NBAS: variants seen among roughly 807,000 people sequenced by gnomAD.
NBAS encodes the protein NAG/BC035112 fusion.
A neutral mutation model predicts 302.5 loss-of-function variants in NBAS; 219 were observed. The observed-to-expected ratio is 0.72, with a 90% CI of 0.65 to 0.81. The LOEUF (loss-of-function observed/expected upper bound fraction) is 0.81. NBAS is among the 30% of genes least tolerant of loss of function. The probability of loss-of-function intolerance (pLI) is 0.00; values close to 1 mark genes in which losing one functional copy is unlikely to be tolerated. For synonymous variants in NBAS, 1,118 were observed against 1,021.6 expected, an observed-to-expected ratio of 1.09 and a Z score of -1.80; for missense variants, 2,932 against 2,841.6, an observed-to-expected ratio of 1.03 and a Z score of -0.72.
At chr2:15,500,372 T>C (rs927637603) in intron 11 of NBAS, among the ~76,000 whole-genome samples, 6 of 152,198 alleles carry the variant, frequency 3.9e-5, no homozygotes, top group African/African-American at 1.4e-4. Context: ...GAATATTATA[T>C]ATTCAATAAT....
Position 15,243,925 on chromosome 2 carries a change from G to C in NBAS, c.5725-5239C>G, listed in dbSNP as rs1667973204. On this transcript the variant is annotated intron_variant, in intron 44 of 51. Transcript: ENST00000281513. ...CAAATGCCAAGTAAAACCTTTAGAA[G>C]ATTAAAATGATTCAGGGAAGAGATA... Among the ~76,000 whole-genome samples, 3 of 152,156 alleles carry C rather than the reference G, an allele frequency of 2.0e-5. No individual in the cohort carries two copies. The South Asian group carries it at 6.2e-4, about 32-fold the overall frequency.
At chr2:15,467,300 T>G in intron 19 of NBAS, 29 bp downstream of exon 19, 4 of 1,471,986 alleles carry the variant, frequency 2.7e-6, no homozygotes, top group Non-Finnish European at 3.8e-6. Flanking sequence ...CAAATGAACA[T>G]AATTGGTTTG....
chr2:14,788,962 C>A, the NBAS span, among the ~76,000 whole-genome samples: 13 of 152,350 alleles, frequency 8.5e-5, no homozygotes, highest in Non-Finnish European at 1.0e-4. Flanking sequence ...AGGCAGGCGT[C>A]CTTGAGCTGT....
chr2:14,961,924 T>A, the NBAS span, among the ~76,000 whole-genome samples: 3 of 152,032 alleles, frequency 2.0e-5, no homozygotes, highest in Admixed American at 6.5e-5. Flanking sequence ...GGATTACAGG[T>A]GCCCGCCACC....
intron 44 of NBAS, among the ~76,000 whole-genome samples, chr2:15,240,558 A>G (rs971422433): frequency 1.3e-5 from 2 of 152,078 alleles, no homozygotes; most frequent in African/African-American, 2.4e-5. Context: ...CGGAGGCTGC[A>G]GTGAGCCGAG....
chr2:15,186,105 CACACAT>C (rs1430863044), intron 50 of NBAS, among the ~76,000 whole-genome samples: 12 of 149,848 alleles, frequency 8.0e-5, no homozygotes, highest in East Asian at 4.0e-4. Flanking sequence ...CACACACACA[CACACAT>C]ATGTGTATGT....
chr2:15,023,765 T>C, the NBAS span, among the ~76,000 whole-genome samples: 1 of 151,532 alleles, frequency 6.6e-6, no homozygotes, highest in Non-Finnish European at 1.5e-5. Context: ...TTCTTAATGG[T>C]TGTTTGCCTT....
the NBAS span, among the ~76,000 whole-genome samples, chr2:14,862,645 A>G: frequency 6.6e-6 from 1 of 152,236 alleles, no homozygotes; most frequent in Non-Finnish European, 1.5e-5. Flanking sequence ...TAAATAAGAT[A>G]GCACATGTAA....
chr2:14,846,524 AC>A, the NBAS span, among the ~76,000 whole-genome samples: 4 of 148,354 alleles, frequency 2.7e-5, no homozygotes, highest in Non-Finnish European at 5.9e-5. Context: ...TACACAAAAA[AC>A]TATATAATAT....
intron 21 of NBAS, among the ~76,000 whole-genome samples, chr2:15,443,379 T>C (rs1005541716): frequency 2.6e-5 from 4 of 151,918 alleles, no homozygotes; most frequent in Non-Finnish European, 5.9e-5. Context: ...ATCCAGCATA[T>C]AAACAGAACC....
At chr2:15,468,352 A>C in intron 17 of NBAS, 30 bp downstream of exon 17, 4 of 1,613,378 alleles carry the variant, frequency 2.5e-6, no homozygotes, top group Non-Finnish European at 3.4e-6. Flanking sequence ...AGTCACCTTT[A>C]CTTTGAATCC....
At chr2:15,226,833 T>C (rs1667169692) in intron 47 of NBAS, among the ~76,000 whole-genome samples, 1 of 152,204 alleles carries the variant, frequency 6.6e-6, no homozygotes, top group Non-Finnish European at 1.5e-5. Flanking sequence ...ATTTTCTACA[T>C]AGATGATCAT....
At position 15,186,751 on chromosome 2, in the gene NBAS, C is replaced by T; in HGVS notation, c.6702G>A (p.Leu2234=). Residue 2234 remains leucine, a synonymous_variant, in exon 50 of 52, where the codon CTG becomes CTA. Transcript: ENST00000281513. ...CAAAATATCCACTCACCTCTGCAGGCAGCATCTGCTTGGTGTTATACAAAG... is the reference window on the plus strand; with the variant it reads ...CAAAATATCCACTCACCTCTGCAGGTAGCATCTGCTTGGTGTTATACAAAG... ...CRSLYNTKQM[L]PAEGVKELCL... 6.2e-7 allele frequency: 1 copy of T among 1,613,854 alleles called. No individual in the cohort carries two copies. The highest frequency in any genetic ancestry group is 8.5e-7 in the Non-Finnish European group (1 of 1,179,932).
At chr2:15,350,979 G>A (rs538779377) in intron 35 of NBAS, among the ~76,000 whole-genome samples, 96 of 152,308 alleles carry the variant, frequency 6.3e-4, no homozygotes, top group Non-Finnish European at 1.2e-3. Context: ...CACATTTCCA[G>A]TGCTACATAT....
the NBAS span, among the ~76,000 whole-genome samples, chr2:15,048,357 C>T: frequency 6.6e-6 from 1 of 152,210 alleles, no homozygotes; most frequent in Non-Finnish European, 1.5e-5. Context: ...GGGAAACAGC[C>T]GCATCTTTTC....
chr2:15,320,076 T>C (rs188563839), intron 38 of NBAS, among the ~76,000 whole-genome samples: 4 of 152,290 alleles, frequency 2.6e-5, no homozygotes, highest in South Asian at 4.2e-4. Flanking sequence ...ATCCCTGGCA[T>C]GCAAGGCTGG....
chr2:15,478,118 C>A, intron 13 of NBAS, 108 bp downstream of exon 13: 1 of 788,870 alleles, frequency 1.3e-6, no homozygotes. Context: ...GATGTTTCTT[C>A]CAAAGTGCAG....
intron 9 of NBAS, among the ~76,000 whole-genome samples, chr2:15,513,771 T>C (rs1662255814): frequency 6.6e-6 from 1 of 151,824 alleles, no homozygotes; most frequent in Admixed American, 6.6e-5. Flanking sequence ...GGAGGATTGT[T>C]TGTGGCCAAG....
At position 15,330,634 on chromosome 2, in the gene NBAS, C is replaced by A. The variant is rs368116711; in HGVS notation, c.4311G>T (p.Trp1437Cys). The A allele has an allele frequency of 6.2e-7, 1 of 1,614,026 alleles. No homozygotes were observed. Among genetic ancestry groups the A allele is most frequent in the Admixed American group, 1.7e-5 (1 of 59,992 alleles). The change falls in exon 36 of 52, where the codon TGG (tryptophan) becomes TGT (cysteine). Residue 1437 changes from tryptophan (W) to cysteine (C), a missense_variant. Physicochemically the swap from Trp to Cys is radical, Grantham distance 215. Coordinates refer to ENST00000281513, the MANE Select transcript of NBAS (RefSeq NM_015909.4). ...GAAGGTAAGTTAAAGACTTCTTCCA[C>A]CACTGCCCATCACTGACGGCCTGCA... is the stretch of plus-strand genomic sequence containing the variant. The part of the protein sequence containing the change: ...AVLQAVSDGQ[W>C]WKKSLTYLRP...
Sources: gnomAD v4.1 joint callset for allele counts (sites outside exome capture counted in the v4.1 genomes callset) on GRCh38, gnomAD v4.1.1 for gene constraint, MANE v1.5 for transcripts, NCBI Gene and HGNC (gene_info 2026-07-23, HGNC 2026-07-21) for gene names.